Variants in KANK1 observed in about 807,000 individuals in gnomAD.
The protein encoded by KANK1 is KN motif and ankyrin repeat domain-containing protein 1.
In KANK1, 109 loss-of-function variants were observed where a neutral mutation model predicts 106.2. The ratio of observed to expected loss-of-function variants is 1.03; its 90% confidence interval spans 0.88 to 1.20. The LOEUF (loss-of-function observed/expected upper bound fraction) is 1.20. Ranked by LOEUF, KANK1 falls within the 50% of genes most tolerant of loss-of-function variation. KANK1 has a pLI of 0.00. For synonymous variants in KANK1, 873 were observed against 652.2 expected (o/e 1.34, Z -5.16); for missense variants, 2,399 against 1,710.7 (o/e 1.40, Z -7.10).
At chr9:667,618 G>T (rs546326856) in intron 1 of KANK1, among the ~76,000 whole-genome samples, 8 of 151,030 alleles carry the variant, frequency 5.3e-5, no homozygotes, top group African/African-American at 1.9e-4. Context: ...TGGATATGTT[G>T]TGTTTCTATT....
At chr9:667,851 C>G (rs1277493954) in intron 1 of KANK1, among the ~76,000 whole-genome samples, 2 of 151,650 alleles carry the variant, frequency 1.3e-5, no homozygotes, top group African/African-American at 4.8e-5. Flanking sequence ...CCTGCCTCAG[C>G]CTCCCAAGTA....
At chr9:644,972 A>G (rs1463455915) in intron 1 of KANK1, among the ~76,000 whole-genome samples, 1 of 149,814 alleles carries the variant, frequency 6.7e-6, no homozygotes, top group Non-Finnish European at 1.5e-5. Flanking sequence ...ATACAAAAGA[A>G]TATTAGCCAG....
At chr9:570,965 T>C (rs1207612721) in intron 1 of KANK1, among the ~76,000 whole-genome samples, 2 of 152,210 alleles carry the variant, frequency 1.3e-5, no homozygotes, top group African/African-American at 4.8e-5. Flanking sequence ...TTACTGTATA[T>C]TATTAGAGGT....
intron 10 of KANK1, among the ~76,000 whole-genome samples, chr9:743,050 G>A (rs572710027): frequency 5.9e-5 from 9 of 152,278 alleles, no homozygotes; most frequent in African/African-American, 1.9e-4. Context: ...GTACTTTTGC[G>A]TGTCTCTAGG....
intron 1 of KANK1, among the ~76,000 whole-genome samples, chr9:657,429 A>ATT (rs1842391144): frequency 6.6e-6 from 1 of 151,952 alleles, no homozygotes; most frequent in Non-Finnish European, 1.5e-5. Context: ...TCTATTTCTT[A>ATT]TTTTTTTGAG....
chr9:641,882 T>A, intron 1 of KANK1, among the ~76,000 whole-genome samples: 1 of 152,164 alleles, frequency 6.6e-6, no homozygotes, highest in South Asian at 2.1e-4. Flanking sequence ...TGGTTTTTAG[T>A]AAATTAACAT....
chr9:575,327 A>C (rs2135047066), intron 1 of KANK1, among the ~76,000 whole-genome samples: 1 of 152,304 alleles, frequency 6.6e-6, no homozygotes, highest in South Asian at 2.1e-4. Context: ...GCAGTTGGTG[A>C]CAAAAGCCAC....
At chr9:703,331 G>T (rs891802736) in intron 2 of KANK1, among the ~76,000 whole-genome samples, 2 of 151,842 alleles carry the variant, frequency 1.3e-5, no homozygotes, top group Admixed American at 1.3e-4. Context: ...ATCTCAATTA[G>T]TGTTAAGGGT....
rs539341799 is a variant in KANK1 at position 602,552 on chromosome 9, C to T, written c.-83-74338C>T. On this transcript the variant is annotated intron_variant, in intron 1 of 11. Coordinates refer to ENST00000382297, the MANE Select transcript of KANK1 (RefSeq NM_015158.5). ...GGATTATAGGTGTGAGCTGTTGCAC[C>T]CGGCCCCCATTCCATATTTTAATGA... Among the ~76,000 whole-genome samples the T allele has an allele frequency of 3.0e-4, 45 of 151,382 alleles. 1 individual carries two copies. The highest frequency in any genetic ancestry group is 8.1e-4 in the African/African-American group (33 of 40,738).
chr9:602,675 CT>C (rs1382136115), intron 1 of KANK1, among the ~76,000 whole-genome samples: 3 of 151,842 alleles, frequency 2.0e-5, no homozygotes, highest in Non-Finnish European at 4.4e-5. Flanking sequence ...TTTGCATAAA[CT>C]TTTGATAAGT....
At chr9:583,874 G>A (rs1462323841) in intron 1 of KANK1, among the ~76,000 whole-genome samples, 1 of 151,878 alleles carries the variant, frequency 6.6e-6, no homozygotes, top group East Asian at 1.9e-4. Context: ...CAACCCCAAA[G>A]ATATGCTAAT....
chr9:695,473 A>AT, intron 2 of KANK1, among the ~76,000 whole-genome samples: 1 of 9,756 alleles, frequency 1.0e-4, no homozygotes, highest in Non-Finnish European at 2.7e-4. Context: ...GTGTGCACAC[A>AT]CACATCCCCT....
intron 1 of KANK1, among the ~76,000 whole-genome samples, chr9:528,861 A>G (rs1189910425): frequency 6.6e-6 from 1 of 151,708 alleles, no homozygotes; most frequent in Admixed American, 6.6e-5. Context: ...ATGCAGTCTT[A>G]TGATCACTGC....
At chr9:723,992 A>G (rs1180572922) in intron 3 of KANK1, among the ~76,000 whole-genome samples, 2 of 150,584 alleles carry the variant, frequency 1.3e-5, no homozygotes, top group Non-Finnish European at 2.9e-5. Flanking sequence ...GGTCCCAGCT[A>G]TTTGGGGGGC....
At chr9:573,657 G>A (rs537985601) in intron 1 of KANK1, among the ~76,000 whole-genome samples, 1 of 152,124 alleles carries the variant, frequency 6.6e-6, no homozygotes, top group African/African-American at 2.4e-5. Flanking sequence ...GTAAGTCGCG[G>A]GCATTTTATT....
intron 1 of KANK1, among the ~76,000 whole-genome samples, chr9:644,376 T>G (rs1839191104): frequency 6.6e-6 from 1 of 150,992 alleles, no homozygotes; most frequent in African/African-American, 2.5e-5. Context: ...CTCTCACTGC[T>G]ATAAAGAAAT....
chr9:530,822 C>G (rs1438836827), intron 1 of KANK1, among the ~76,000 whole-genome samples: 4 of 151,980 alleles, frequency 2.6e-5, no homozygotes, highest in Admixed American at 6.6e-5. Context: ...AACTCTGTCT[C>G]TATGAAAAAT....
intron 1 of KANK1, chr9:547,447 T>A (rs1238347150): frequency 7.0e-6 from 1 of 142,992 alleles, no homozygotes; most frequent in Non-Finnish European, 1.6e-5. Flanking sequence ...GCTTGAGTAT[T>A]AAGATTTGGC....
At chr9:556,614 C>T (rs1264098104) in intron 1 of KANK1, among the ~76,000 whole-genome samples, 5 of 152,188 alleles carry the variant, frequency 3.3e-5, no homozygotes, top group African/African-American at 9.7e-5. Context: ...ATTTTTAAAG[C>T]TAAAGTCCTT....
Sources: gnomAD v4.1 joint callset for allele counts (sites outside exome capture counted in the v4.1 genomes callset) on GRCh38, gnomAD v4.1.1 for gene constraint, MANE v1.5 for transcripts, NCBI Gene and HGNC (gene_info 2026-07-23, HGNC 2026-07-21) for gene names.